LRRC37A2: variants seen among roughly 807,000 people sequenced by gnomAD.
LRRC37A2 encodes leucine-rich repeat-containing protein 37A2.
LRRC37A2 carries 9 observed loss-of-function variants against 68.8 expected under a neutral mutation model. The observed-to-expected ratio is 0.13, with a 90% CI of 0.08 to 0.23. LRRC37A2 has a LOEUF of 0.23. Ranked by LOEUF, LRRC37A2 falls within the 10% of genes least tolerant of loss-of-function variation. LRRC37A2 has a pLI of 1.00. For missense variants in LRRC37A2, 168 were observed against 950.4 expected (o/e 0.18, Z 10.82); for synonymous variants, 63 against 367.6 (o/e 0.17, Z 9.48).
At chr17:46,548,398 G>A (rs560059301) in exon 10 of LRRC37A2, 26 of 660,812 alleles carry the variant, frequency 3.9e-5, no homozygotes, top group East Asian at 6.0e-5. Context: ...TGAGCTGATT[G>A]TTGAGCCAGA....
At chr17:46,823,176 A>G in the LRRC37A2 span, among the ~76,000 whole-genome samples, 1 of 129,444 alleles carries the variant, frequency 7.7e-6, no homozygotes, top group African/African-American at 3.1e-5. Context: ...TTATATATTT[A>G]TATATAATAT....
chr17:46,935,579 T>C, the LRRC37A2 span: 2 of 1,125,652 alleles, frequency 1.8e-6, no homozygotes, highest in Admixed American at 9.0e-5. Context: ...GTGGACTGCC[T>C]TATAACTAAA....
the LRRC37A2 span, among the ~76,000 whole-genome samples, chr17:46,959,382 G>T: frequency 6.6e-6 from 1 of 152,128 alleles, no homozygotes; most frequent in Non-Finnish European, 1.5e-5. Flanking sequence ...TTTTTGTCTG[G>T]TAGTCCTCAA....
chr17:46,885,029 C>T, the LRRC37A2 span: 538 of 436,906 alleles, frequency 1.2e-3, no homozygotes, highest in Middle Eastern at 3.7e-3. Flanking sequence ...GTTCTTGTTG[C>T]GCAGGTTGGA....
chr17:46,827,471 T>C, the LRRC37A2 span, among the ~76,000 whole-genome samples: 2 of 152,194 alleles, frequency 1.3e-5, no homozygotes, highest in African/African-American at 4.8e-5. Context: ...TGCCTGAAGA[T>C]GAAGCTGACC....
At chr17:47,018,306 G>T in the LRRC37A2 span, 2 of 1,611,594 alleles carry the variant, frequency 1.2e-6, no homozygotes, top group Admixed American at 3.3e-5. Context: ...GTCTTCTGGG[G>T]AGGTCGAATC....
the LRRC37A2 span, among the ~76,000 whole-genome samples, chr17:46,583,975 T>TTATATATATA: frequency 0.043 from 437 of 10,274 alleles, 14 homozygotes; most frequent in East Asian, 0.19. Context: ...CGTATATGTT[T>TTATATATATA]TATATATATA....
At chr17:46,947,144 T>A in the LRRC37A2 span, among the ~76,000 whole-genome samples, 1 of 152,008 alleles carries the variant, frequency 6.6e-6, no homozygotes, top group African/African-American at 2.4e-5. Flanking sequence ...CTGACATGAA[T>A]GTGGATGCAG....
the LRRC37A2 span, among the ~76,000 whole-genome samples, chr17:47,030,012 G>A: frequency 3.3e-5 from 5 of 150,608 alleles, no homozygotes; most frequent in African/African-American, 4.9e-5. Flanking sequence ...GCAGTGAGCC[G>A]AGATGGCACC....
intron 2 of LRRC37A2, among the ~76,000 whole-genome samples, chr17:46,516,082 T>A (rs2667807): frequency 1.5e-5 from 2 of 136,102 alleles, no homozygotes; most frequent in East Asian, 4.2e-4. Context: ...GGGCGGATCA[T>A]GAGGTCAGGA....
At chr17:46,736,818 T>C in the LRRC37A2 span, among the ~76,000 whole-genome samples, 1 of 152,190 alleles carries the variant, frequency 6.6e-6, no homozygotes. Flanking sequence ...ATATCTGAAA[T>C]ATGCTGTGGG....
chr17:46,841,026 C>G, the LRRC37A2 span, among the ~76,000 whole-genome samples: 1 of 152,164 alleles, frequency 6.6e-6, no homozygotes, highest in Admixed American at 6.5e-5. Context: ...CATGGAACGC[C>G]TTTCCCGATG....
chr17:46,915,288 C>G, the LRRC37A2 span, among the ~76,000 whole-genome samples: 1 of 152,086 alleles, frequency 6.6e-6, no homozygotes, highest in African/African-American at 2.4e-5. Flanking sequence ...GTAACGGGAG[C>G]CCCTACACGT....
At chr17:46,800,805 C>G in the LRRC37A2 span, among the ~76,000 whole-genome samples, 4 of 152,244 alleles carry the variant, frequency 2.6e-5, no homozygotes, top group African/African-American at 9.6e-5. Context: ...ACAGTCTAGT[C>G]CATGAAATAG....
chr17:46,886,294 A>G, the LRRC37A2 span: 4 of 152,298 alleles, frequency 2.6e-5, no homozygotes, highest in Non-Finnish European at 4.4e-5. Context: ...ACCTATATCA[A>G]TTGGTGGGGA....
the LRRC37A2 span, among the ~76,000 whole-genome samples, chr17:46,707,314 T>A: frequency 6.6e-6 from 1 of 152,366 alleles, no homozygotes; most frequent in South Asian, 2.1e-4. Context: ...GTTTTTCTGT[T>A]GTACTGCTTA....
the LRRC37A2 span, among the ~76,000 whole-genome samples, chr17:46,926,413 C>T: frequency 6.6e-6 from 1 of 152,134 alleles, no homozygotes; most frequent in African/African-American, 2.4e-5. Context: ...TTAAAAAGCA[C>T]TTCCATTAAA....
At chr17:46,806,189 T>C in the LRRC37A2 span, among the ~76,000 whole-genome samples, 1 of 148,654 alleles carries the variant, frequency 6.7e-6, no homozygotes, top group Non-Finnish European at 1.5e-5. Flanking sequence ...TCTTTTTTTC[T>C]TTTTTCTTTT....
the LRRC37A2 span, among the ~76,000 whole-genome samples, chr17:46,709,855 C>T: frequency 6.6e-6 from 1 of 152,154 alleles, no homozygotes; most frequent in Admixed American, 6.5e-5. Context: ...TTACTTTTTA[C>T]ACTGCTACTG....
Sources: gnomAD v4.1 joint callset for allele counts (sites outside exome capture counted in the v4.1 genomes callset) on GRCh38, gnomAD v4.1.1 for gene constraint, MANE v1.5 for transcripts, NCBI Gene and HGNC (gene_info 2026-07-23, HGNC 2026-07-21) for gene names.